DRC8: variants seen among roughly 807,000 people sequenced by gnomAD.
The protein encoded by DRC8 is dynein regulatory complex subunit 8.
chr1:245,096,272 C>T, the DRC8 span, among the ~76,000 whole-genome samples: 2 of 152,174 alleles, frequency 1.3e-5, no homozygotes, highest in African/African-American at 4.8e-5. Context: ...GCAGGAAATG[C>T]ACAAATATTC....
chr1:245,031,161 T>C, the DRC8 span, among the ~76,000 whole-genome samples: 1 of 152,104 alleles, frequency 6.6e-6, no homozygotes, highest in African/African-American at 2.4e-5. Context: ...GGCCAACAGT[T>C]GGAACTCTGT....
chr1:245,011,648 T>G, the DRC8 span, among the ~76,000 whole-genome samples: 1 of 152,200 alleles, frequency 6.6e-6, no homozygotes, highest in African/African-American at 2.4e-5. Context: ...CAATGTCCAG[T>G]GGGTAAGGAT....
At chr1:245,067,928 T>C in the DRC8 span, among the ~76,000 whole-genome samples, 1 of 152,230 alleles carries the variant, frequency 6.6e-6, no homozygotes, top group Non-Finnish European at 1.5e-5. Context: ...ATTGATCTGC[T>C]CTAATTTTTA....
chr1:245,070,865 G>A, the DRC8 span, among the ~76,000 whole-genome samples: 2 of 152,182 alleles, frequency 1.3e-5, no homozygotes, highest in African/African-American at 4.8e-5. Context: ...GATCCCTCAC[G>A]AACGGGATTA....
chr1:245,091,501 C>T, the DRC8 span: 2 of 152,368 alleles, frequency 1.3e-5, no homozygotes, highest in African/African-American at 4.8e-5. Context: ...GAGACACCCT[C>T]TTGCACAGAA....
At chr1:245,069,572 T>C in the DRC8 span, among the ~76,000 whole-genome samples, 1 of 152,096 alleles carries the variant, frequency 6.6e-6, no homozygotes, top group Non-Finnish European at 1.5e-5. Flanking sequence ...GTATCCAAAA[T>C]AGCCCAACTC....
At chr1:245,009,030 T>A in the DRC8 span, among the ~76,000 whole-genome samples, 102 of 76,090 alleles carry the variant, frequency 1.3e-3, no homozygotes, top group South Asian at 0.025. Flanking sequence ...ATGCTTTTCT[T>A]TTTTTTTTTT....
the DRC8 span, among the ~76,000 whole-genome samples, chr1:244,976,580 A>C: frequency 6.6e-6 from 1 of 152,240 alleles, no homozygotes; most frequent in Non-Finnish European, 1.5e-5. Context: ...TCAAATGGAC[A>C]GTGAGATACT....
the DRC8 span, among the ~76,000 whole-genome samples, chr1:245,049,615 A>T: frequency 1.4e-4 from 21 of 152,112 alleles, no homozygotes; most frequent in Admixed American, 3.3e-4. The surrounding 1 kb of genome is among the most constrained non-coding windows in gnomAD (Gnocchi z 4.5). Context: ...AAAATCATCA[A>T]CAACAACAAC....
the DRC8 span, among the ~76,000 whole-genome samples, chr1:245,016,148 AT>A: frequency 6.6e-6 from 1 of 151,478 alleles, no homozygotes; most frequent in African/African-American, 2.4e-5. Context: ...TGCCTGGCTA[AT>A]TTTGTATTTT....
chr1:244,984,432 A>G, the DRC8 span, among the ~76,000 whole-genome samples: 1 of 152,192 alleles, frequency 6.6e-6, no homozygotes, highest in Non-Finnish European at 1.5e-5. Flanking sequence ...GGATATAGTA[A>G]TCACTGTAAA....
chr1:245,030,589 C>G, the DRC8 span: 1 of 152,214 alleles, frequency 6.6e-6, no homozygotes, highest in Non-Finnish European at 1.5e-5. Flanking sequence ...TCTGGTGACT[C>G]CACATCACCT....
At chr1:245,017,081 T>G in the DRC8 span, among the ~76,000 whole-genome samples, 1 of 152,230 alleles carries the variant, frequency 6.6e-6, no homozygotes, top group African/African-American at 2.4e-5. Flanking sequence ...GTGTATCCTT[T>G]GACATCTCCA....
the DRC8 span, among the ~76,000 whole-genome samples, chr1:244,981,935 A>C: frequency 1.3e-5 from 2 of 152,232 alleles, no homozygotes; most frequent in South Asian, 4.1e-4. Context: ...AACACTTGTG[A>C]AGGTCACAGC....
the DRC8 span, among the ~76,000 whole-genome samples, chr1:245,020,414 G>A: frequency 9.2e-5 from 14 of 152,116 alleles, no homozygotes; most frequent in African/African-American, 3.1e-4. Flanking sequence ...CCGTGACTGC[G>A]AGTCACTTTG....
the DRC8 span, among the ~76,000 whole-genome samples, chr1:245,075,771 A>G: frequency 6.6e-6 from 1 of 152,220 alleles, no homozygotes; most frequent in Non-Finnish European, 1.5e-5. Context: ...CCCTTCCCAT[A>G]GAAGAAACAA....
chr1:245,108,622 T>C, the DRC8 span, among the ~76,000 whole-genome samples: 10 of 152,306 alleles, frequency 6.6e-5, no homozygotes, highest in South Asian at 1.9e-3. Context: ...AGCCTTTCAC[T>C]GAGACATTCT....
chr1:244,974,439 T>TAAAAG, the DRC8 span, among the ~76,000 whole-genome samples: 1 of 152,230 alleles, frequency 6.6e-6, no homozygotes, highest in East Asian at 1.9e-4. Flanking sequence ...TATTCTTTGT[T>TAAAAG]ACTTTGCGTG....
At chr1:245,001,424 A>G in the DRC8 span, among the ~76,000 whole-genome samples, 2 of 152,284 alleles carry the variant, frequency 1.3e-5, no homozygotes, top group East Asian at 3.9e-4. Context: ...TAAAAATACA[A>G]ATTCCTGGCC....
Sources: allele counts gnomAD v4.1 joint callset (sites outside exome capture counted in the v4.1 genomes callset), GRCh38; gene constraint gnomAD v4.1.1; non-coding constraint Gnocchi (gnomAD v3.1); transcripts MANE v1.5; gene names NCBI Gene and HGNC (gene_info 2026-07-23, HGNC 2026-07-21).